RAB33B: variants seen among roughly 807,000 people sequenced by gnomAD.
RAB33B encodes ras-related protein Rab-33B.
RAB33B carries 6 observed loss-of-function variants against 15.0 expected under a neutral mutation model. The ratio of observed to expected loss-of-function variants is 0.40; its 90% CI spans 0.22 to 0.79. The LOEUF is 0.79. RAB33B is among the 30% of genes least tolerant of loss of function. RAB33B has a pLI of 0.37. For missense variants in RAB33B, 257 were observed against 296.4 expected (o/e 0.87, Z 0.98); for synonymous variants, 117 against 108.3 (o/e 1.08, Z -0.50).
intron 1 of RAB33B, 52 bp downstream of exon 1, chr4:139,454,496 C>G: frequency 1.3e-6 from 2 of 1,573,354 alleles, no homozygotes; most frequent in Non-Finnish European, 1.7e-6. Context: ...TGTCCCAACC[C>G]CACCGTGGGC....
chr4:139,442,993 T>C, the RAB33B span, among the ~76,000 whole-genome samples: 1 of 149,188 alleles, frequency 6.7e-6, no homozygotes, highest in East Asian at 2.0e-4. Context: ...GTCGCTGGCA[T>C]GAACTTTTTT....
the RAB33B span, among the ~76,000 whole-genome samples, chr4:139,443,385 C>T: frequency 6.6e-6 from 1 of 152,202 alleles, no homozygotes; most frequent in East Asian, 1.9e-4. Flanking sequence ...TGACTCTATA[C>T]ATAATACCTT....
upstream of RAB33B, chr4:139,449,432 T>A (rs186476581): frequency 6.6e-6 from 1 of 152,174 alleles, no homozygotes; most frequent in Non-Finnish European, 1.5e-5. Context: ...CGATCCTGAA[T>A]GTGTCTGTGA....
intron 1 of RAB33B, among the ~76,000 whole-genome samples, chr4:139,455,455 T>C (rs1306992328): frequency 6.6e-6 from 1 of 152,192 alleles, no homozygotes; most frequent in Non-Finnish European, 1.5e-5. Flanking sequence ...CCTCGTATCT[T>C]AGAGGCAAGA....
rs769999843 is a variant in RAB33B, at chr4:139,472,868, T to C, written c.432T>C (p.Ile144=). ...QHLLANDIPR[I]LVGNKCDLRS... is the part of the protein sequence containing the mutation. ...TGCTAGCCAATGATATACCACGGAT[T>C]CTTGTTGGAAATAAATGTGACTTGA... The change falls in exon 2 of 2, where the codon ATT becomes ATC. Residue 144 remains isoleucine, a synonymous_variant. Coordinates refer to ENST00000305626, the MANE Select transcript of RAB33B (RefSeq NM_031296.3). 82 of 1,614,076 alleles carry C rather than the reference T, an allele frequency of 5.1e-5. No homozygotes were observed. Among genetic ancestry groups the C allele is most frequent in the Non-Finnish European group, 6.8e-5 (80 of 1,180,054 alleles).
upstream of RAB33B, chr4:139,451,965 C>T (rs903597462): frequency 1.3e-5 from 2 of 152,182 alleles, no homozygotes; most frequent in African/African-American, 4.8e-5. Context: ...ATTATCAATT[C>T]TGGAGATTCT....
rs191601706 is a variant in RAB33B, at chr4:139,458,261, G to A, written c.249+3817G>A. Among the ~76,000 whole-genome samples, 249 of 152,258 alleles carry A rather than the reference G, an allele frequency of 1.6e-3. 4 individuals are homozygous for A. The highest frequency in any genetic ancestry group is 7.1e-3 in the South Asian group (34 of 4,822). On this transcript the variant is annotated intron_variant, in intron 1 of 1. Coordinates refer to ENST00000305626, the MANE Select transcript of RAB33B (RefSeq NM_031296.3). ...TGATCGAGCCACTCCAGCAGAGCCA[G>A]ACCCTGTCTCTGTCTCTCTCTCTTT...
upstream of RAB33B, chr4:139,451,021 C>A (rs1749908833): frequency 6.8e-6 from 1 of 146,412 alleles, no homozygotes; most frequent in African/African-American, 2.5e-5. Context: ...CCTGTCTCAG[C>A]CTCCTGAATA....
At chr4:139,447,934 TG>T in the RAB33B span, among the ~76,000 whole-genome samples, 1 of 151,806 alleles carries the variant, frequency 6.6e-6, no homozygotes, top group Non-Finnish European at 1.5e-5. Context: ...CCCAAAGTGC[TG>T]GGATTACAGG....
chr4:139,462,550 T>G (rs879785105), intron 1 of RAB33B, among the ~76,000 whole-genome samples: 1 of 152,244 alleles, frequency 6.6e-6, no homozygotes, highest in Non-Finnish European at 1.5e-5. Flanking sequence ...AGACCATCTA[T>G]ATAAGAACTA....
chr4:139,445,820 T>A, the RAB33B span, among the ~76,000 whole-genome samples: 1 of 152,152 alleles, frequency 6.6e-6, no homozygotes, highest in Admixed American at 6.5e-5. Context: ...AGGGATGCTG[T>A]TTGGAGCCTT....
chr4:139,458,722 A>G (rs1401406434), intron 1 of RAB33B, among the ~76,000 whole-genome samples: 1 of 152,220 alleles, frequency 6.6e-6, no homozygotes, highest in Non-Finnish European at 1.5e-5. Flanking sequence ...ATGAACATAC[A>G]TGTGTAGATG....
intron 1 of RAB33B, among the ~76,000 whole-genome samples, chr4:139,460,489 C>T (rs1750152360): frequency 6.6e-6 from 1 of 152,126 alleles, no homozygotes; most frequent in Admixed American, 6.5e-5. Flanking sequence ...AATTATTGTT[C>T]TGTGTTGATC....
chr4:139,463,315 T>C (rs1007207301), intron 1 of RAB33B, among the ~76,000 whole-genome samples: 7 of 152,166 alleles, frequency 4.6e-5, no homozygotes, highest in African/African-American at 7.2e-5. Context: ...TCTGTATTTT[T>C]AGTAGAGACG....
At chr4:139,450,265 T>A (rs1944296543), upstream of RAB33B, 1 of 152,228 alleles carries the variant, frequency 6.6e-6, no homozygotes, top group Non-Finnish European at 1.5e-5. Context: ...ATTTACTATT[T>A]ATATACTGAA....
At chr4:139,449,756 C>CATATATATATATATATATATAT (rs10536077), upstream of RAB33B, 3 of 146,232 alleles carry the variant, frequency 2.1e-5, no homozygotes, top group African/African-American at 7.5e-5. Flanking sequence ...TAATAAACTC[C>CATATATATATATATATATATAT]ATATATATAT....
chr4:139,441,808 C>G, the RAB33B span, among the ~76,000 whole-genome samples: 9,571 of 152,198 alleles, frequency 0.063, 1,002 homozygotes, highest in African/African-American at 0.22. Context: ...GTACATAAGA[C>G]AGACTCTGCC....
At position 139,455,868 on chromosome 4, in the gene RAB33B, T is replaced by C. The variant is rs77121263; in HGVS notation, c.249+1424T>C. On this transcript the variant is annotated intron_variant, in intron 1 of 1. Coordinates refer to ENST00000305626, the MANE Select transcript of RAB33B (RefSeq NM_031296.3). ...ACTAACCTGGATTCATATCTGAACC[T>C]ACGAAAGGGTAGGGATGGGCTGCGT... Among the ~76,000 whole-genome samples the C allele has an allele frequency of 6.9e-3, 1,054 of 152,298 alleles. 14 individuals are homozygous for C. Among genetic ancestry groups the C allele is most frequent in the African/African-American group, 0.024 (1,003 of 41,560 alleles).
the RAB33B span, among the ~76,000 whole-genome samples, chr4:139,440,057 G>C: frequency 6.6e-6 from 1 of 152,128 alleles, no homozygotes; most frequent in South Asian, 2.1e-4. Flanking sequence ...TTACTAATGT[G>C]TTAACTCTGG....
Sources: gnomAD v4.1 joint callset for allele counts (sites outside exome capture counted in the v4.1 genomes callset) on GRCh38, gnomAD v4.1.1 for gene constraint, MANE v1.5 for transcripts, NCBI Gene and HGNC (gene_info 2026-07-23, HGNC 2026-07-21) for gene names.